Variants in SLC7A2 observed in about 807,000 individuals in gnomAD.
SLC7A2 encodes the protein solute carrier family 7 member 2.
SLC7A2 carries 48 observed loss-of-function variants against 58.9 expected under a neutral mutation model. That is an observed-to-expected ratio of 0.82 (90% CI 0.65 to 1.04). The LOEUF is 1.04. Ranked by LOEUF, SLC7A2 falls within the 50% of genes least tolerant of loss-of-function variation. The pLI is 0.00. For missense variants in SLC7A2, 1,029 were observed against 818.8 expected (o/e 1.26, Z -3.13); for synonymous variants, 363 against 314.5 (o/e 1.15, Z -1.63).
At chr8:17,495,783 C>G (rs924493729), upstream of SLC7A2, among the ~76,000 whole-genome samples, 2 of 152,202 alleles carry the variant, frequency 1.3e-5, no homozygotes, top group South Asian at 2.1e-4. Context: ...CTCCTGACCT[C>G]AGGTGATCGG....
rs189768702 is a variant in SLC7A2 at position 17,510,283 on chromosome 8, C to T, written c.-23+7981C>T. On this transcript the variant is annotated intron_variant, in intron 2 of 12. Transcript: ENST00000494857. ...GAGTGAGCTGGCCTTTTTTTGTGTACGAAAGTATCTGCAGAAACGTCAAAA... is the reference window on the plus strand; with the variant it reads ...GAGTGAGCTGGCCTTTTTTTGTGTATGAAAGTATCTGCAGAAACGTCAAAA... Among the ~76,000 whole-genome samples the T allele has an allele frequency of 2.0e-4, 31 of 151,604 alleles. 2 individuals are homozygous for T. The Middle Eastern group carries it at 0.01, about 50-fold the overall frequency.
At chr8:17,502,698 C>T (rs1275733810) in intron 2 of SLC7A2, among the ~76,000 whole-genome samples, 2 of 152,046 alleles carry the variant, frequency 1.3e-5, no homozygotes, top group Non-Finnish European at 2.9e-5. Flanking sequence ...AGTTTTTAGT[C>T]TACTCAGGCA....
chr8:17,494,228 A>T (rs1334458183), upstream of SLC7A2, among the ~76,000 whole-genome samples: 3 of 152,128 alleles, frequency 2.0e-5, no homozygotes, highest in Non-Finnish European at 4.4e-5. Flanking sequence ...TGGACATGAG[A>T]TTTACTTTAG....
At chr8:17,528,507 C>T (rs922257329) in intron 2 of SLC7A2, among the ~76,000 whole-genome samples, 1 of 152,056 alleles carries the variant, frequency 6.6e-6, no homozygotes, top group African/African-American at 2.4e-5. Context: ...ACTTGAGCCT[C>T]CCCACAGGGA....
At chr8:17,500,835 C>CAT (rs1264277823) in intron 1 of SLC7A2, among the ~76,000 whole-genome samples, 2 of 144,666 alleles carry the variant, frequency 1.4e-5, no homozygotes, top group Non-Finnish European at 3.0e-5. Flanking sequence ...CACACACACA[C>CAT]ACACACACAG....
chr8:17,514,646 T>G (rs1563440162), intron 2 of SLC7A2, among the ~76,000 whole-genome samples: 1 of 152,192 alleles, frequency 6.6e-6, no homozygotes, highest in African/African-American at 2.4e-5. Flanking sequence ...CCTTGCTTCT[T>G]AGATTCCACA....
At chr8:17,541,769 C>T (rs11987107) in intron 2 of SLC7A2, among the ~76,000 whole-genome samples, 16,530 of 152,158 alleles carry the variant, frequency 0.11, 1,123 homozygotes, top group East Asian at 0.31. Context: ...AGCAATGTAA[C>T]ATATGAAATA....
At chr8:17,497,645 A>C (rs955766464) in intron 1 of SLC7A2, among the ~76,000 whole-genome samples, 2 of 152,198 alleles carry the variant, frequency 1.3e-5, no homozygotes, top group Non-Finnish European at 2.9e-5. Context: ...CCGGGTGGGC[A>C]GGCTGAACCT....
At chr8:17,499,391 T>G (rs1317030721) in intron 1 of SLC7A2, among the ~76,000 whole-genome samples, 1 of 149,990 alleles carries the variant, frequency 6.7e-6, no homozygotes. Context: ...TCCCTCTCTC[T>G]GTCCCTCTTC....
At chr8:17,551,274 G>A (rs1802437609) in intron 6 of SLC7A2, among the ~76,000 whole-genome samples, 1 of 152,106 alleles carries the variant, frequency 6.6e-6, no homozygotes, top group Non-Finnish European at 1.5e-5. Context: ...TAATAAGAAA[G>A]TACCTTCAAG....
Position 17,565,109 on chromosome 8 carries a change from C to T in SLC7A2, c.1940C>T (p.Ser647Leu). The change falls in exon 13 of 13, where the codon TCA becomes TTA. Residue 647 changes from serine (S) to leucine (L), a missense_variant. Transcript: ENST00000494857. ...GACCATCACCCAAGAAATCTCAGTTCACCTTTCATATTCCATGAAAAGACA... is the reference window on the plus strand; with the variant it reads ...GACCATCACCCAAGAAATCTCAGTTTACCTTTCATATTCCATGAAAAGACA... ...ANDHHPRNLS[S>L]PFIFHEKTSE... 2.5e-6 allele frequency: 4 copies of T among 1,613,710 alleles called. No individual in the cohort carries two copies. Among genetic ancestry groups the T allele is most frequent in the Non-Finnish European group, 3.4e-6 (4 of 1,179,840 alleles).
chr8:17,499,446 A>G (rs1800071719), intron 1 of SLC7A2, among the ~76,000 whole-genome samples: 1 of 149,098 alleles, frequency 6.7e-6, no homozygotes, highest in Non-Finnish European at 1.5e-5. Flanking sequence ...GTTCAGAGCC[A>G]TCTGCTGGTT....
chr8:17,548,793 A>C lies in SLC7A2; in HGVS notation c.648A>C (p.Ala216=). ...CTGGGTTTGTGAAAGGAAATGTGGC[A>C]AACTGGAAGATTAGTGAAGAGTTTC... ...MVAGFVKGNV[A]NWKISEEFLK... Residue 216 remains alanine (A), a synonymous_variant, in exon 5 of 13, where the codon GCA becomes GCC. Coordinates refer to ENST00000494857, the MANE Select transcript of SLC7A2 (RefSeq NM_001370338.1). The C allele has an allele frequency of 6.2e-7, 1 of 1,613,938 alleles. No homozygotes were observed. The highest frequency in any genetic ancestry group is 1.3e-5 in the African/African-American group (1 of 75,034).
chr8:17,559,613 T>C (rs1802867428), intron 9 of SLC7A2, among the ~76,000 whole-genome samples: 2 of 152,166 alleles, frequency 1.3e-5, no homozygotes, highest in South Asian at 2.1e-4. Context: ...TCAGATCTCA[T>C]GAGAACTCAC....
chr8:17,523,072 G>C (rs1801080420), intron 2 of SLC7A2, among the ~76,000 whole-genome samples: 1 of 151,834 alleles, frequency 6.6e-6, no homozygotes, highest in Admixed American at 6.6e-5. Context: ...TGGGTTAAGA[G>C]GTGCAGCAAA....
intron 2 of SLC7A2, among the ~76,000 whole-genome samples, chr8:17,508,800 G>A (rs759030840): frequency 5.3e-5 from 8 of 152,106 alleles, no homozygotes; most frequent in South Asian, 2.1e-4. Flanking sequence ...TTATCTCACC[G>A]AACCACTAGT....
At chr8:17,553,848 T>G (rs1337496159) in intron 7 of SLC7A2, among the ~76,000 whole-genome samples, 2 of 152,214 alleles carry the variant, frequency 1.3e-5, no homozygotes, top group Admixed American at 1.3e-4. Flanking sequence ...ATGGTTATTT[T>G]TCACAACTAA....
chr8:17,539,651 C>G (rs1357137999), intron 2 of SLC7A2, among the ~76,000 whole-genome samples: 7 of 152,060 alleles, frequency 4.6e-5, no homozygotes, highest in Non-Finnish European at 1.0e-4. Flanking sequence ...GGGCCACTTC[C>G]CAAAATCTGC....
At chr8:17,532,706 A>G (rs1355424467) in intron 2 of SLC7A2, among the ~76,000 whole-genome samples, 1 of 152,232 alleles carries the variant, frequency 6.6e-6, no homozygotes, top group Non-Finnish European at 1.5e-5. Flanking sequence ...TGACAAGCAC[A>G]TCAATAGGAA....
Sources: allele counts gnomAD v4.1 joint callset (sites outside exome capture counted in the v4.1 genomes callset), GRCh38; gene constraint gnomAD v4.1.1; transcripts MANE v1.5; gene names NCBI Gene and HGNC (gene_info 2026-07-23, HGNC 2026-07-21).